The following GLT6D1 variants were observed in gnomAD, a reference collection of about 807,000 sequenced individuals.
GLT6D1 encodes the protein putative glycosyltransferase 6 domain-containing protein 1.
GLT6D1 carries 9 observed loss-of-function variants against 12.3 expected under a neutral mutation model. The ratio of observed to expected loss-of-function variants is 0.73; its 90% CI spans 0.44 to 1.27. The LOEUF (loss-of-function observed/expected upper bound fraction) is 1.27, where lower values mean the gene tolerates loss of function less well. Among genes scored for constraint, GLT6D1 ranks in the 50% most tolerant of loss-of-function variants. GLT6D1 has a pLI of 0.00. For synonymous variants in GLT6D1, 128 were observed against 132.3 expected (o/e 0.97, Z 0.23); for missense variants, 335 against 346.2 (o/e 0.97, Z 0.26).
intron 3 of GLT6D1, among the ~76,000 whole-genome samples, chr9:135,629,495 A>G (rs1833589171): frequency 6.6e-6 from 1 of 152,308 alleles, no homozygotes; most frequent in Non-Finnish European, 1.5e-5. Flanking sequence ...TATGATTTCA[A>G]TCATTTGAAT....
chr9:135,628,534 A>T (rs1833567818), intron 3 of GLT6D1, among the ~76,000 whole-genome samples: 1 of 151,888 alleles, frequency 6.6e-6, no homozygotes, highest in Non-Finnish European at 1.5e-5. Context: ...TTCATATGGG[A>T]TATTGGTCTG....
intron 3 of GLT6D1, among the ~76,000 whole-genome samples, chr9:135,629,001 A>G (rs1244789683): frequency 6.6e-6 from 1 of 152,082 alleles, no homozygotes; most frequent in Non-Finnish European, 1.5e-5. Context: ...CTTTTCAAAA[A>G]ACCAATTTTG....
upstream of GLT6D1, among the ~76,000 whole-genome samples, chr9:135,640,092 C>T (rs1327708198): frequency 6.6e-6 from 1 of 152,130 alleles, no homozygotes; most frequent in African/African-American, 2.4e-5. Context: ...CAATTTTGAA[C>T]ACTCATTTAA....
rs1833428140 is a variant in GLT6D1 at position 135,624,240 on chromosome 9, A to G, written c.688T>C (p.Leu230=). The G allele has an allele frequency of 6.2e-7, 1 of 1,606,104 alleles. No homozygotes were observed. Among genetic ancestry groups the G allele is most frequent in the South Asian group, 1.1e-5 (1 of 89,292 alleles). The change falls in exon 5 of 5, where the codon TTG becomes CTG. Residue 230 remains leucine, a synonymous_variant. Coordinates refer to ENST00000371763, the MANE Select transcript of GLT6D1 (RefSeq NM_182974.3). ...FGQGDFYYGN[L]MVGGTPHNIL... ...TTATGGGGTGTGCCACCAACCATCA[A>G]GTTGCCATAATAGAAATCTCCCTGT...
At position 135,639,164 on chromosome 9, in the gene GLT6D1, T is replaced by C. The variant is rs1305261300; in HGVS notation, c.24A>G (p.Leu8=). 1 of 1,586,482 alleles carries C rather than the reference T, an allele frequency of 6.3e-7. No individual in the cohort carries two copies. Among genetic ancestry groups the C allele is most frequent in the African/African-American group, 1.3e-5 (1 of 74,132 alleles). MNSKRML[L]LVLFAFSLML... is the part of the protein sequence containing the mutation. ...TCAGTGAAAAAGCAAATAAAACCAA[T>C]AACAGCATTCTTTTAGAATTCATTC... The change falls in exon 2 of 5, where the codon TTA becomes TTG. Residue 8 remains leucine, a synonymous_variant. Transcript: ENST00000371763.
chr9:135,640,561 A>G (rs1194841506), upstream of GLT6D1, among the ~76,000 whole-genome samples: 1 of 152,008 alleles, frequency 6.6e-6, no homozygotes, highest in African/African-American at 2.4e-5. Flanking sequence ...CTCTACTAAA[A>G]ATACAAAAAT....
chr9:135,629,508 A>G (rs4842016), intron 3 of GLT6D1, among the ~76,000 whole-genome samples: 148,144 of 152,300 alleles, frequency 0.97, 72,191 homozygotes, highest in South Asian at 1. Flanking sequence ...ATTTGAATTT[A>G]CTGAGATTTT....
At chr9:135,636,172 T>C (rs1450060637) in intron 2 of GLT6D1, among the ~76,000 whole-genome samples, 1 of 152,122 alleles carries the variant, frequency 6.6e-6, no homozygotes, top group Non-Finnish European at 1.5e-5. Flanking sequence ...CTGGCCAACA[T>C]GGTGAAACCC....
intron 2 of GLT6D1, among the ~76,000 whole-genome samples, chr9:135,635,024 A>G (rs925770094): frequency 5.9e-5 from 9 of 152,294 alleles, no homozygotes; most frequent in African/African-American, 1.9e-4. Flanking sequence ...GAATCTACAG[A>G]CATGATTTGG....
chr9:135,640,122 C>G (rs1390830619), upstream of GLT6D1, among the ~76,000 whole-genome samples: 1 of 152,154 alleles, frequency 6.6e-6, no homozygotes, highest in Admixed American at 6.5e-5. Flanking sequence ...CACTTTAGCT[C>G]TGCACTGATA....
intron 3 of GLT6D1, among the ~76,000 whole-genome samples, chr9:135,631,198 A>G (rs1451034855): frequency 2.0e-5 from 3 of 152,208 alleles, no homozygotes; most frequent in Non-Finnish European, 2.9e-5. Flanking sequence ...CTCGCACTGC[A>G]TAAACCAGGA....
rs1833442712 is a variant in GLT6D1, at chr9:135,624,498, GCCA to G, written c.427_429del (p.Trp143del). 2 of 1,608,070 alleles carry G rather than the reference GCCA, an allele frequency of 1.2e-6. No homozygotes were observed. Among genetic ancestry groups the G allele is most frequent in the South Asian group, 1.1e-5 (1 of 90,690 alleles). On this transcript the variant is annotated inframe_deletion, in exon 5 of 5. Coordinates refer to ENST00000371763, the MANE Select transcript of GLT6D1 (RefSeq NM_182974.3). ...TTCACATGCACCAGGGGGCCATCGA[GCCA>G]CCACCTCTCGGTGCCCACTTTAAAT...
chr9:135,639,350 A>C lies in GLT6D1; in HGVS notation c.-64T>G. ...AGGAGACAGCGACTTGAGTTAGGGAAGCCTCTGTTCTCCTTCAAGTGCCCG... is the reference window on the plus strand; with the variant it reads ...AGGAGACAGCGACTTGAGTTAGGGACGCCTCTGTTCTCCTTCAAGTGCCCG... On this transcript the variant is annotated 5_prime_UTR_variant, in exon 1 of 5. Coordinates refer to ENST00000371763, the MANE Select transcript of GLT6D1 (RefSeq NM_182974.3). 1.9e-6 allele frequency: 1 copy of C among 534,478 alleles called. No homozygotes were observed. Among genetic ancestry groups the C allele is most frequent in the East Asian group, 3.2e-5 (1 of 31,606 alleles). The allele number at this position is 534,478 out of a possible 1,614,324, so 33.1% of individuals were successfully genotyped here.
At chr9:135,631,732 T>G (rs1387519292) in intron 2 of GLT6D1, among the ~76,000 whole-genome samples, 2 of 152,052 alleles carry the variant, frequency 1.3e-5, no homozygotes, top group East Asian at 3.9e-4. Context: ...GGAGGAAGAT[T>G]TTTTTAATAA....
chr9:135,635,358 C>T (rs74999813), intron 2 of GLT6D1, among the ~76,000 whole-genome samples: 264 of 152,330 alleles, frequency 1.7e-3, no homozygotes, highest in Non-Finnish European at 2.9e-3. Flanking sequence ...CTATGAGATG[C>T]TCTGGGCTCA....
At chr9:135,639,076 C>T (rs1407410516) in intron 2 of GLT6D1, 41 bp downstream of exon 2, 3 of 1,058,122 alleles carry the variant, frequency 2.8e-6, no homozygotes, top group South Asian at 1.4e-5. Flanking sequence ...CCACCTCTGC[C>T]AATCACTAAA....
At chr9:135,625,704 C>T (rs1369986696) in intron 4 of GLT6D1, among the ~76,000 whole-genome samples, 1 of 152,126 alleles carries the variant, frequency 6.6e-6, no homozygotes, top group Non-Finnish European at 1.5e-5. Context: ...CACCTAAAGC[C>T]CCTGCCCAAC....
At chr9:135,630,167 A>G (rs987602318) in intron 3 of GLT6D1, among the ~76,000 whole-genome samples, 1 of 152,120 alleles carries the variant, frequency 6.6e-6, no homozygotes, top group Non-Finnish European at 1.5e-5. Context: ...GCACTTTGGG[A>G]GGCTAAGGAG....
chr9:135,625,214 A>G (rs1283592247), intron 4 of GLT6D1, among the ~76,000 whole-genome samples: 2 of 152,154 alleles, frequency 1.3e-5, no homozygotes, highest in Non-Finnish European at 2.9e-5. Context: ...GCCTGAGAAA[A>G]GCCACCATGT....
Sources: allele counts gnomAD v4.1 joint callset (sites outside exome capture counted in the v4.1 genomes callset), GRCh38; gene constraint gnomAD v4.1.1; transcripts MANE v1.5; gene names NCBI Gene and HGNC (gene_info 2026-07-23, HGNC 2026-07-21).